FANCL: variants seen among roughly 807,000 people sequenced by gnomAD.
FANCL encodes the protein FA complementation group L, also known as E3 ubiquitin-protein ligase FANCL.
FANCL carries 69 observed loss-of-function variants against 59.4 expected under a neutral mutation model. The ratio of observed to expected loss-of-function variants is 1.16; its 90% CI spans 0.96 to 1.42. The LOEUF (loss-of-function observed/expected upper bound fraction) is 1.42, where lower values mean the gene tolerates loss of function less well. Ranked by LOEUF, FANCL falls within the 40% of genes most tolerant of loss-of-function variation. The probability of loss-of-function intolerance (pLI) is 0.00; values close to 1 mark genes in which losing one functional copy is unlikely to be tolerated. For missense variants in FANCL, 519 were observed against 447.2 expected (o/e 1.16, Z -1.45); for synonymous variants, 180 against 147.1 (o/e 1.22, Z -1.62).
rs540840412 is a variant in FANCL at position 58,168,990 on chromosome 2, G to A, written c.541-3116C>T. Among the ~76,000 whole-genome samples, 4 of 152,330 alleles carry A rather than the reference G, an allele frequency of 2.6e-5. No individual in the cohort carries two copies. The South Asian group carries it at 8.3e-4, about 32-fold the overall frequency. ...AAAACTCCCATCTCCCTGGGACAGA[G>A]CACGTGGGGAAAGGGGCGGCTGTGG... On this transcript the variant is annotated intron_variant, in intron 7 of 13. Transcript: ENST00000233741.
chr2:58,193,675 C>T (rs1689155676), intron 7 of FANCL, among the ~76,000 whole-genome samples: 1 of 151,986 alleles, frequency 6.6e-6, no homozygotes, highest in African/African-American at 2.4e-5. Context: ...GTAAGTCCTC[C>T]AACAAAAACA....
At chr2:58,189,147 G>T (rs1258380301) in intron 7 of FANCL, among the ~76,000 whole-genome samples, 1 of 152,142 alleles carries the variant, frequency 6.6e-6, no homozygotes, top group Non-Finnish European at 1.5e-5. Flanking sequence ...GGAGGTGACT[G>T]GGATGTGATG....
chr2:58,217,026 G>T (rs755611049), intron 5 of FANCL, among the ~76,000 whole-genome samples: 1 of 148,500 alleles, frequency 6.7e-6, no homozygotes, highest in Non-Finnish European at 1.5e-5. Flanking sequence ...AGGAATTGCA[G>T]ACTCTGTATG....
intron 11 of FANCL, among the ~76,000 whole-genome samples, chr2:58,162,136 T>C (rs1429404518): frequency 6.6e-6 from 1 of 151,954 alleles, no homozygotes; most frequent in Non-Finnish European, 1.5e-5. Context: ...TAGCTAGTGA[T>C]TACTAAACAG....
intron 5 of FANCL, among the ~76,000 whole-genome samples, chr2:58,219,053 ACC>A (rs1692141162): frequency 6.7e-6 from 1 of 148,694 alleles, no homozygotes. Context: ...AATAAAAGCA[ACC>A]AGGACTCCTT....
At chr2:58,191,068 A>G (rs1010881847) in intron 7 of FANCL, among the ~76,000 whole-genome samples, 2 of 151,766 alleles carry the variant, frequency 1.3e-5, no homozygotes, top group Non-Finnish European at 3.0e-5. Flanking sequence ...ATAAACACAT[A>G]CATGCATGCA....
intron 7 of FANCL, among the ~76,000 whole-genome samples, chr2:58,191,127 TA>T (rs752435993): frequency 5.7e-4 from 83 of 145,444 alleles, no homozygotes; most frequent in African/African-American, 1.5e-3. Context: ...CCCTGGATTA[TA>T]AAAAAAAAAA....
chr2:58,209,334 T>C (rs1690899342), intron 5 of FANCL, among the ~76,000 whole-genome samples: 1 of 152,178 alleles, frequency 6.6e-6, no homozygotes, highest in Non-Finnish European at 1.5e-5. Context: ...AAGCAAACTG[T>C]TTTAATTAAA....
chr2:58,191,483 T>G (rs1297468580), intron 7 of FANCL, among the ~76,000 whole-genome samples: 1 of 151,854 alleles, frequency 6.6e-6, no homozygotes, highest in African/African-American at 2.4e-5. Context: ...TCTCAACATC[T>G]CTTATCTCTG....
intron 3 of FANCL, among the ~76,000 whole-genome samples, chr2:58,229,285 T>C (rs898361080): frequency 1.8e-4 from 27 of 152,196 alleles, no homozygotes; most frequent in African/African-American, 6.0e-4. Flanking sequence ...ACTGATTTTT[T>C]TTTCTAATCT....
intron 7 of FANCL, among the ~76,000 whole-genome samples, chr2:58,172,711 ACT>A (rs1181657807): frequency 6.6e-6 from 1 of 152,194 alleles, no homozygotes; most frequent in African/African-American, 2.4e-5. Flanking sequence ...AAAACTGGAA[ACT>A]CTAAAAAGCA....
At chr2:58,236,726 A>G (rs1239515892) in intron 1 of FANCL, among the ~76,000 whole-genome samples, 3 of 152,112 alleles carry the variant, frequency 2.0e-5, no homozygotes, top group Non-Finnish European at 4.4e-5. Context: ...GAAGAAACAC[A>G]CTAAATATTA....
At chr2:58,212,525 C>A (rs561851791) in intron 5 of FANCL, among the ~76,000 whole-genome samples, 1 of 152,124 alleles carries the variant, frequency 6.6e-6, no homozygotes, top group Admixed American at 6.5e-5. Flanking sequence ...TAAATTAGGG[C>A]TGTCCTAGGC....
At chr2:58,160,667 T>A (rs1056724375) in intron 12 of FANCL, among the ~76,000 whole-genome samples, 1 of 152,050 alleles carries the variant, frequency 6.6e-6, no homozygotes, top group Non-Finnish European at 1.5e-5. Flanking sequence ...CCAGTGAATT[T>A]TTAAAAATTA....
chr2:58,241,192 C>G (rs1192761632), intron 1 of FANCL, 26 bp downstream of exon 1: 1 of 1,609,660 alleles, frequency 6.2e-7, no homozygotes, highest in South Asian at 1.1e-5. Flanking sequence ...GCTCTCTTAG[C>G]TAGAAAGCAA....
At chr2:58,161,748 G>T in intron 11 of FANCL, 110 bp from the exon 12 acceptor site, 2 of 715,978 alleles carry the variant, frequency 2.8e-6, no homozygotes, top group South Asian at 1.5e-5. Flanking sequence ...AGTGTTTAAT[G>T]ATGACATCAG....
intron 7 of FANCL, among the ~76,000 whole-genome samples, chr2:58,193,904 T>C (rs1426316379): frequency 6.6e-6 from 1 of 152,170 alleles, no homozygotes; most frequent in Admixed American, 6.5e-5. Context: ...GTCTGAATAA[T>C]ACAATTAAAT....
intron 6 of FANCL, among the ~76,000 whole-genome samples, chr2:58,200,866 T>TACA (rs143256614): frequency 6.6e-6 from 1 of 151,288 alleles, no homozygotes; most frequent in African/African-American, 2.4e-5. Context: ...ACAATATGTA[T>TACA]ATAATAAATT....
intron 8 of FANCL, among the ~76,000 whole-genome samples, chr2:58,163,913 G>C (rs926167802): frequency 2.0e-5 from 3 of 151,758 alleles, no homozygotes; most frequent in African/African-American, 7.2e-5. Flanking sequence ...ACATTTCATA[G>C]AACTATGGCC....
Sources: allele counts gnomAD v4.1 joint callset (sites outside exome capture counted in the v4.1 genomes callset), GRCh38; gene constraint gnomAD v4.1.1; transcripts MANE v1.5; gene names NCBI Gene and HGNC (gene_info 2026-07-23, HGNC 2026-07-21).